PHF2: variants seen among roughly 807,000 people sequenced by gnomAD.
PHF2 encodes the protein PHD finger protein 2, also known as lysine-specific demethylase PHF2.
PHF2 carries 27 observed loss-of-function variants against 120.5 expected under a neutral mutation model. The ratio of observed to expected loss-of-function variants is 0.22; its 90% CI spans 0.17 to 0.31. The LOEUF (loss-of-function observed/expected upper bound fraction) is 0.31. Ranked by LOEUF, PHF2 falls within the 10% of genes least tolerant of loss-of-function variation. PHF2 has a pLI of 1.00. For missense variants in PHF2, 1,024 were observed against 1,434.8 expected, an observed-to-expected ratio of 0.71 and a Z score of 4.63; for synonymous variants, 568 against 592.5, an observed-to-expected ratio of 0.96 and a Z score of 0.60.
intron 12 of PHF2, among the ~76,000 whole-genome samples, chr9:93,662,220 C>A (rs1406022604): frequency 1.3e-5 from 2 of 148,620 alleles, no homozygotes; most frequent in Admixed American, 6.7e-5. Flanking sequence ...GATAGATGAA[C>A]AAATGGATGG....
intron 4 of PHF2, among the ~76,000 whole-genome samples, chr9:93,646,180 C>T (rs1457668902): frequency 6.6e-6 from 1 of 152,238 alleles, no homozygotes; most frequent in Non-Finnish European, 1.5e-5. Flanking sequence ...TCATCTGTAC[C>T]ATGACCTGCC....
chr9:93,622,578 G>C (rs959090948), intron 1 of PHF2, among the ~76,000 whole-genome samples: 8 of 152,204 alleles, frequency 5.3e-5, no homozygotes, highest in Non-Finnish European at 1.0e-4. Flanking sequence ...CCGGGAGCCA[G>C]GGAGTGCAGA....
At chr9:93,662,507 G>A (rs12339150) in intron 12 of PHF2, among the ~76,000 whole-genome samples, 41,482 of 150,854 alleles carry the variant, frequency 0.27, 5,861 homozygotes, top group African/African-American at 0.34. Flanking sequence ...GGATGAATGG[G>A]ATGAACGAAT....
At chr9:93,671,350 T>A (rs1256978208) in intron 17 of PHF2, among the ~76,000 whole-genome samples, 150 of 73,762 alleles carry the variant, frequency 2.0e-3, no homozygotes, top group South Asian at 3.8e-3. Flanking sequence ...GGGAGTAGGG[T>A]CAGGTGTAGA....
chr9:93,674,582 C>T (rs1444590559), intron 18 of PHF2, among the ~76,000 whole-genome samples: 2 of 152,142 alleles, frequency 1.3e-5, no homozygotes, highest in East Asian at 1.9e-4. Context: ...CTCTGGGGAT[C>T]TCAAGCTCCA....
chr9:93,618,588 C>T (rs369021735), intron 1 of PHF2, among the ~76,000 whole-genome samples: 5 of 152,362 alleles, frequency 3.3e-5, no homozygotes, highest in South Asian at 2.1e-4. Context: ...TTGTACCATA[C>T]GCATTCTTCT....
chr9:93,610,443 T>G (rs1162161414), intron 1 of PHF2, among the ~76,000 whole-genome samples: 1 of 152,174 alleles, frequency 6.6e-6, no homozygotes, highest in Non-Finnish European at 1.5e-5. Context: ...TTCTAGCATT[T>G]CCTTTTGATT....
chr9:93,625,646 T>C (rs1028210426), intron 1 of PHF2, among the ~76,000 whole-genome samples: 3 of 151,900 alleles, frequency 2.0e-5, no homozygotes, highest in African/African-American at 7.3e-5. Flanking sequence ...CCCAGCTAAT[T>C]TTTGTATTTT....
chr9:93,653,118 T>G, intron 5 of PHF2, 61 bp from the exon 6 acceptor site: 1 of 1,495,294 alleles, frequency 6.7e-7, no homozygotes, highest in South Asian at 1.2e-5. Flanking sequence ...TGTTTCCCAC[T>G]GCAGGGGAAA....
At chr9:93,599,202 G>A (rs1020344681) in intron 1 of PHF2, among the ~76,000 whole-genome samples, 10 of 152,180 alleles carry the variant, frequency 6.6e-5, no homozygotes, top group East Asian at 1.9e-4. Context: ...GGTGGGTTCC[G>A]AAGAAGGCCT....
intron 2 of PHF2, among the ~76,000 whole-genome samples, chr9:93,632,558 G>A (rs566421084): frequency 6.7e-4 from 102 of 152,142 alleles, no homozygotes; most frequent in Non-Finnish European, 1.2e-3. Flanking sequence ...CATAGACAGT[G>A]CCCTCTTGCC....
chr9:93,630,400 G>A (rs1587693032), intron 2 of PHF2, among the ~76,000 whole-genome samples: 1 of 152,170 alleles, frequency 6.6e-6, no homozygotes, highest in African/African-American at 2.4e-5. Flanking sequence ...TTTTCTAGGG[G>A]CCCCCAGCCT....
chr9:93,592,062 C>G (rs1825237607), intron 1 of PHF2, among the ~76,000 whole-genome samples: 1 of 152,218 alleles, frequency 6.6e-6, no homozygotes, highest in South Asian at 2.1e-4. Flanking sequence ...CATTGTAATT[C>G]TGCCTTAACC....
In PHF2 at chr9:93,618,415, G is replaced by A. The variant is rs574448634; in HGVS notation, c.99-11555G>A. 2.0e-4 allele frequency among the ~76,000 whole-genome samples: 31 copies of A among 152,348 alleles called. 1 individual carries two copies. The highest frequency in any genetic ancestry group is 7.2e-4 in the African/African-American group (30 of 41,584). ...CGCATGCATACACATGGCAATGTAC[G>A]TCTGCCTGCATACACGTGCACACAC... On this transcript the variant is annotated intron_variant, in intron 1 of 21. Transcript: ENST00000359246.
rs192517282 is a variant in PHF2 at position 93,635,647 on chromosome 9, G to A, written c.185-764G>A. ...AAGTCCAGTAGAGGTGTGTGTGTGC[G>A]CATAGGGCTTGTGGTCCAGTAGGGG... On this transcript the variant is annotated intron_variant, in intron 2 of 21. Transcript: ENST00000359246. Among the ~76,000 whole-genome samples the A allele has an allele frequency of 3.8e-3, 573 of 152,282 alleles. 1 individual carries two copies. The highest frequency in any genetic ancestry group is 0.013 in the African/African-American group (549 of 41,558).
chr9:93,618,760 TTG>T (rs891066864), intron 1 of PHF2, among the ~76,000 whole-genome samples: 11 of 151,672 alleles, frequency 7.3e-5, no homozygotes, highest in Non-Finnish European at 1.6e-4. Flanking sequence ...ATGCCTGTGT[TTG>T]TGTGTCTGCA....
At chr9:93,605,453 G>A (rs1485521357) in intron 1 of PHF2, among the ~76,000 whole-genome samples, 3 of 152,186 alleles carry the variant, frequency 2.0e-5, no homozygotes, top group Admixed American at 2.0e-4. Flanking sequence ...ATCCACCATT[G>A]CAATGTAATA....
At chr9:93,672,560 G>T (rs1447456958) in intron 17 of PHF2, 1 of 984,752 alleles carries the variant, frequency 1.0e-6, no homozygotes. Flanking sequence ...AGGTGTAGAT[G>T]CAGGTATGGG....
intron 1 of PHF2, among the ~76,000 whole-genome samples, chr9:93,624,176 G>A (rs1233503887): frequency 6.6e-6 from 1 of 152,240 alleles, no homozygotes; most frequent in Non-Finnish European, 1.5e-5. Context: ...CAGGGTTGTT[G>A]GAAAATAATG....
Sources: allele counts gnomAD v4.1 joint callset (sites outside exome capture counted in the v4.1 genomes callset), GRCh38; gene constraint gnomAD v4.1.1; transcripts MANE v1.5; gene names NCBI Gene and HGNC (gene_info 2026-07-23, HGNC 2026-07-21).